The following NBAS variants were observed in gnomAD, a reference collection of about 807,000 sequenced individuals.
NBAS encodes the protein NBAS subunit of NRZ tethering complex.
In NBAS, 219 loss-of-function variants were observed where a neutral mutation model predicts 302.5. The observed-to-expected ratio is 0.72, with a 90% CI of 0.65 to 0.81. The LOEUF (loss-of-function observed/expected upper bound fraction) is 0.81. Ranked by LOEUF, NBAS falls within the 30% of genes least tolerant of loss-of-function variation. The pLI is 0.00. For missense variants in NBAS, 2,932 were observed against 2,841.6 expected, an observed-to-expected ratio of 1.03 and a Z score of -0.72; for synonymous variants, 1,118 against 1,021.6, an observed-to-expected ratio of 1.09 and a Z score of -1.80.
intron 48 of NBAS, among the ~76,000 whole-genome samples, chr2:15,201,668 G>A (rs1452508633): frequency 6.6e-6 from 1 of 152,058 alleles, no homozygotes; most frequent in Non-Finnish European, 1.5e-5. Flanking sequence ...GATATTTATG[G>A]ATTTTATTAA....
In NBAS at chr2:15,167,035, C is replaced by T. The variant is rs753537747; in HGVS notation, c.*13G>A. 1.3e-6 allele frequency: 2 copies of T among 1,528,984 alleles called. No individual in the cohort carries two copies. The highest frequency in any genetic ancestry group is 2.3e-5 in the East Asian group (1 of 43,946). 94.7% of individuals were successfully genotyped at this position (1,528,984 alleles called of 1,614,324 possible). ...ATGCTTTTTCTGCTAAGGAGCAGGG[C>T]CACAGGTGGCCCTCACACCCAGTGC... On this transcript the variant is annotated 3_prime_UTR_variant, in exon 52 of 52. Coordinates refer to ENST00000281513, the MANE Select transcript of NBAS (RefSeq NM_015909.4).
At chr2:15,118,841 C>A in the NBAS span, among the ~76,000 whole-genome samples, 1,903 of 152,272 alleles carry the variant, frequency 0.012, 26 homozygotes, top group African/African-American at 0.016. Flanking sequence ...ACCCACAGAA[C>A]CTTGAGAAAT....
chr2:15,467,661 T>C lies in NBAS; in HGVS notation c.2018+3A>G. 1 of 1,611,486 alleles carries C rather than the reference T, an allele frequency of 6.2e-7. No individual in the cohort carries two copies. The highest frequency in any genetic ancestry group is 8.5e-7 in the Non-Finnish European group (1 of 1,178,024). On this transcript the variant is annotated splice_donor_region_variant and intron_variant, in intron 18 of 51. Coordinates refer to ENST00000281513, the MANE Select transcript of NBAS (RefSeq NM_015909.4). The stretch of plus-strand genomic sequence containing the variant: ...ATCAAATGAACAGTAACAACTCATT[T>C]ACTTGGAAAAGTTCACTAATTTCAG...
the NBAS span, among the ~76,000 whole-genome samples, chr2:15,124,856 G>A: frequency 4.6e-5 from 7 of 152,192 alleles, no homozygotes; most frequent in African/African-American, 1.7e-4. Flanking sequence ...GGACGTATCA[G>A]AAAGCCTTAG....
At chr2:15,552,459 T>C (rs6740183) in intron 5 of NBAS, among the ~76,000 whole-genome samples, 96,937 of 151,996 alleles carry the variant, frequency 0.64, 31,648 homozygotes, top group Non-Finnish European at 0.68. Context: ...CATGTGAAGA[T>C]GACGATAATG....
chr2:15,016,591 A>G, the NBAS span, among the ~76,000 whole-genome samples: 2 of 150,774 alleles, frequency 1.3e-5, no homozygotes, highest in African/African-American at 4.9e-5. Context: ...CAAAATACCA[A>G]TGACATTAGT....
intron 31 of NBAS, among the ~76,000 whole-genome samples, chr2:15,367,196 C>T (rs539639570): frequency 6.6e-6 from 1 of 152,088 alleles, no homozygotes; most frequent in East Asian, 1.9e-4. Flanking sequence ...AAACATAAGC[C>T]CAATTTTCTC....
the NBAS span, among the ~76,000 whole-genome samples, chr2:14,872,785 A>C: frequency 4.8e-3 from 730 of 151,888 alleles, 5 homozygotes; most frequent in African/African-American, 0.017. Flanking sequence ...TCTTCCTCCC[A>C]GTCGGTTGGC....
At chr2:15,110,060 G>A in the NBAS span, among the ~76,000 whole-genome samples, 1 of 152,114 alleles carries the variant, frequency 6.6e-6, no homozygotes, top group Non-Finnish European at 1.5e-5. Context: ...CAAGAGACTA[G>A]TAAAAGCTGT....
chr2:14,814,912 A>G, the NBAS span, among the ~76,000 whole-genome samples: 4 of 152,278 alleles, frequency 2.6e-5, no homozygotes, highest in South Asian at 8.3e-4. Flanking sequence ...CTAACTGTTT[A>G]GCACCATCCC....
At chr2:14,835,240 T>A in the NBAS span, among the ~76,000 whole-genome samples, 1 of 151,940 alleles carries the variant, frequency 6.6e-6, no homozygotes, top group Non-Finnish European at 1.5e-5. Context: ...TCAGTAGAAG[T>A]GTCCATTAAA....
chr2:15,403,864 CGTGTGTGTGTGT>C (rs10624311), intron 25 of NBAS, among the ~76,000 whole-genome samples: 6 of 135,412 alleles, frequency 4.4e-5, no homozygotes, highest in South Asian at 2.4e-4. Context: ...TTCCTTCCTT[CGTGTGTGTGTGT>C]GTGTGTGTGT....
At chr2:14,878,909 T>A in the NBAS span, among the ~76,000 whole-genome samples, 1 of 151,568 alleles carries the variant, frequency 6.6e-6, no homozygotes, top group African/African-American at 2.4e-5. Context: ...CATTATAGCA[T>A]CATACAGAGT....
At chr2:15,291,842 A>G (rs562038256) in intron 41 of NBAS, among the ~76,000 whole-genome samples, 5 of 152,092 alleles carry the variant, frequency 3.3e-5, no homozygotes, top group Non-Finnish European at 7.4e-5. Context: ...TTCCATCCTG[A>G]GCTTCCCATT....
chr2:15,496,356 T>A (rs1278710422), intron 11 of NBAS, among the ~76,000 whole-genome samples: 1 of 152,128 alleles, frequency 6.6e-6, no homozygotes, highest in Non-Finnish European at 1.5e-5. Flanking sequence ...AATTAAGGGA[T>A]GCAGGGTTTT....
At position 15,417,509 on chromosome 2, in the gene NBAS, A is replaced by T. The variant is rs2148463587; in HGVS notation, c.2763+18T>A. On this transcript the variant is annotated intron_variant, in intron 24 of 51. Transcript: ENST00000281513. ...AATGCTTTAAAATATTTAAAAAGGA[A>T]GTTAAAATAAAACCTACACTATTCA... 1 of 1,594,768 alleles carries T rather than the reference A, an allele frequency of 6.3e-7. No individual in the cohort carries two copies. The highest frequency in any genetic ancestry group is 1.7e-5 in the Admixed American group (1 of 59,704).
the NBAS span, among the ~76,000 whole-genome samples, chr2:14,780,550 G>A: frequency 1.6e-3 from 243 of 152,272 alleles, no homozygotes; most frequent in African/African-American, 5.6e-3. Context: ...TTTGGTAATC[G>A]TTCACTCTCC....
At chr2:15,131,828 C>T in the NBAS span, among the ~76,000 whole-genome samples, 15 of 152,216 alleles carry the variant, frequency 9.9e-5, no homozygotes, top group Non-Finnish European at 2.2e-4. Flanking sequence ...CTTTTACACA[C>T]TAAGAAAAGT....
intron 41 of NBAS, among the ~76,000 whole-genome samples, chr2:15,288,604 A>G (rs769820996): frequency 1.3e-5 from 2 of 152,240 alleles, no homozygotes; most frequent in Non-Finnish European, 2.9e-5. Flanking sequence ...ATCTCTAGGC[A>G]TATAAAGAGT....
Sources: gnomAD v4.1 joint callset for allele counts (sites outside exome capture counted in the v4.1 genomes callset) on GRCh38, gnomAD v4.1.1 for gene constraint, MANE v1.5 for transcripts, NCBI Gene and HGNC (gene_info 2026-07-23, HGNC 2026-07-21) for gene names.